RANBP17: variants seen among roughly 807,000 people sequenced by gnomAD.
RANBP17 encodes the protein ran-binding protein 17.
A neutral mutation model predicts 141.2 loss-of-function variants in RANBP17; 158 were observed. That is an observed-to-expected ratio of 1.12 (90% CI 0.98 to 1.28). The LOEUF is 1.28. RANBP17 is among the 50% of genes most tolerant of loss of function. The pLI is 0.00. For synonymous variants in RANBP17, 430 were observed against 450.0 expected (o/e 0.96, Z 0.56); for missense variants, 1,438 against 1,290.7 (o/e 1.11, Z -1.75).
At chr5:171,260,859 A>G (rs1766267150) in intron 24 of RANBP17, among the ~76,000 whole-genome samples, 1 of 152,244 alleles carries the variant, frequency 6.6e-6, no homozygotes, top group African/African-American at 2.4e-5. Flanking sequence ...AGCCTAAACA[A>G]GGAAAGGTAA....
At chr5:171,096,473 A>G (rs1476299909) in intron 14 of RANBP17, among the ~76,000 whole-genome samples, 1 of 152,196 alleles carries the variant, frequency 6.6e-6, no homozygotes, top group African/African-American at 2.4e-5. Flanking sequence ...TGTTGAATTC[A>G]TTTGCTACAT....
At chr5:171,220,367 C>T (rs1763477854) in intron 21 of RANBP17, among the ~76,000 whole-genome samples, 1 of 150,448 alleles carries the variant, frequency 6.6e-6, no homozygotes, top group Admixed American at 6.6e-5. Flanking sequence ...CACCCGCCTT[C>T]TGCATTGGTC....
chr5:171,185,640 A>T (rs1581815211), intron 18 of RANBP17, among the ~76,000 whole-genome samples: 1 of 152,326 alleles, frequency 6.6e-6, no homozygotes, highest in Non-Finnish European at 1.5e-5. Context: ...GACTGGAGCA[A>T]TTCAGTCACA....
At chr5:171,083,463 G>C (rs146116648) in intron 14 of RANBP17, among the ~76,000 whole-genome samples, 11 of 152,266 alleles carry the variant, frequency 7.2e-5, no homozygotes, top group Non-Finnish European at 1.5e-4. Context: ...AATTTCTGTT[G>C]TTTCTAAGCC....
chr5:170,898,572 T>C (rs1770339669), intron 5 of RANBP17, among the ~76,000 whole-genome samples: 1 of 152,200 alleles, frequency 6.6e-6, no homozygotes. Flanking sequence ...TGCCATTGCT[T>C]TTGGTGTTTT....
chr5:170,997,938 A>C (rs1778929942), intron 14 of RANBP17, among the ~76,000 whole-genome samples: 2 of 151,922 alleles, frequency 1.3e-5, no homozygotes, highest in South Asian at 4.2e-4. Flanking sequence ...TATAAAAAGA[A>C]ACATATTAAT....
intron 8 of RANBP17, among the ~76,000 whole-genome samples, chr5:170,915,617 CTT>C (rs1478056760): frequency 6.6e-6 from 1 of 151,958 alleles, no homozygotes; most frequent in Non-Finnish European, 1.5e-5. Flanking sequence ...ATTTTTGTCT[CTT>C]TTCTCACCGT....
intron 20 of RANBP17, among the ~76,000 whole-genome samples, chr5:171,210,038 AGGC>A (rs1246071256): frequency 1.3e-5 from 2 of 152,230 alleles, no homozygotes; most frequent in African/African-American, 4.8e-5. Context: ...GTATCCTGTA[AGGC>A]AGTGTCACAT....
chr5:170,997,523 T>C (rs1428047164), intron 14 of RANBP17, among the ~76,000 whole-genome samples: 2 of 152,180 alleles, frequency 1.3e-5, no homozygotes, highest in African/African-American at 4.8e-5. Context: ...CTACCAAGGT[T>C]TGAGAGATTT....
At chr5:171,247,576 G>A (rs147365166) in intron 24 of RANBP17, among the ~76,000 whole-genome samples, 1 of 152,136 alleles carries the variant, frequency 6.6e-6, no homozygotes, top group Non-Finnish European at 1.5e-5. Flanking sequence ...AAAAATTTTA[G>A]TTAATTTCAT....
At chr5:170,998,800 C>G (rs1348808824) in intron 14 of RANBP17, among the ~76,000 whole-genome samples, 1 of 151,940 alleles carries the variant, frequency 6.6e-6, no homozygotes, top group Non-Finnish European at 1.5e-5. Context: ...TTTGTGTAAC[C>G]TTTTTTTATT....
chr5:171,168,539 G>A (rs1433241927), intron 14 of RANBP17, among the ~76,000 whole-genome samples: 1 of 152,162 alleles, frequency 6.6e-6, no homozygotes, highest in African/African-American at 2.4e-5. Flanking sequence ...ATCATGGTGA[G>A]CTTAGGGAAA....
chr5:171,161,876 C>G (rs1759374531), intron 14 of RANBP17, among the ~76,000 whole-genome samples: 2 of 152,162 alleles, frequency 1.3e-5, no homozygotes, highest in African/African-American at 4.8e-5. Context: ...CTGGCTGACA[C>G]CTTTAGGAGG....
intron 12 of RANBP17, among the ~76,000 whole-genome samples, chr5:170,949,157 C>T (rs190512327): frequency 6.6e-6 from 1 of 152,020 alleles, no homozygotes; most frequent in South Asian, 2.1e-4. Flanking sequence ...GGTTGGGCAG[C>T]TATTTCTTAG....
chr5:171,250,913 T>G (rs1020034153), intron 24 of RANBP17, among the ~76,000 whole-genome samples: 1 of 152,190 alleles, frequency 6.6e-6, no homozygotes, highest in African/African-American at 2.4e-5. Context: ...CTGTCAGCAT[T>G]AAACAGATCA....
intron 22 of RANBP17, among the ~76,000 whole-genome samples, chr5:171,234,946 CCTA>C (rs1764443151): frequency 1.3e-5 from 2 of 152,096 alleles, no homozygotes; most frequent in Admixed American, 1.3e-4. Context: ...CTTCAGCACA[CCTA>C]CTACAACTAG....
intron 14 of RANBP17, among the ~76,000 whole-genome samples, chr5:171,165,262 A>C (rs755326463): frequency 6.6e-6 from 1 of 151,982 alleles, no homozygotes; most frequent in Non-Finnish European, 1.5e-5. Context: ...GCTCACTGCA[A>C]CCTCCGCCTT....
intron 12 of RANBP17, among the ~76,000 whole-genome samples, chr5:170,952,076 A>G (rs1376578880): frequency 6.6e-6 from 1 of 152,052 alleles, no homozygotes; most frequent in East Asian, 1.9e-4. Flanking sequence ...GGCCCAAGAT[A>G]CACGAGAAGT....
At chr5:171,144,882 T>G (rs1223509046) in intron 14 of RANBP17, among the ~76,000 whole-genome samples, 1 of 152,168 alleles carries the variant, frequency 6.6e-6, no homozygotes, top group Non-Finnish European at 1.5e-5. Flanking sequence ...GGACACAAGA[T>G]TTTTATATTA....
Sources: allele counts gnomAD v4.1 joint callset (sites outside exome capture counted in the v4.1 genomes callset), GRCh38; gene constraint gnomAD v4.1.1; transcripts MANE v1.5; gene names NCBI Gene and HGNC (gene_info 2026-07-23, HGNC 2026-07-21).